The following SURF6 variants were observed in gnomAD, a reference collection of about 807,000 sequenced individuals.
SURF6 encodes surfeit 6, also known as surfeit locus protein 6.
A neutral mutation model predicts 37.5 loss-of-function variants in SURF6; 28 were observed. That is an observed-to-expected ratio of 0.75 (90% CI 0.55 to 1.02). The LOEUF (loss-of-function observed/expected upper bound fraction) is 1.02. SURF6 is among the 50% of genes least tolerant of loss of function. The pLI, the probability that SURF6 is intolerant of heterozygous loss-of-function variation, is 0.00. For synonymous variants in SURF6, 248 were observed against 210.9 expected (o/e 1.18, Z -1.52); for missense variants, 560 against 490.5 (o/e 1.14, Z -1.34).
In SURF6 at chr9:133,331,971, G is replaced by A. The variant is rs1362994580; in HGVS notation, c.984C>T (p.Asn328=). 6.3e-7 allele frequency: 1 copy of A among 1,595,974 alleles called. No individual in the cohort carries two copies. Among genetic ancestry groups the A allele is most frequent in the Non-Finnish European group, 8.5e-7 (1 of 1,178,052 alleles). ...MQQRQDRRRQ[N]LRRKKAARAE... ...CGCGGGCCGCCTTCTTCCTGCGCAG[G>A]TTCTGCCGCCGCCGGTCCTGGCGCT... Residue 328 remains asparagine, a synonymous_variant, in exon 5 of 5, where the codon AAC becomes AAT. Coordinates refer to ENST00000372022, the MANE Select transcript of SURF6 (RefSeq NM_006753.6).
chr9:133,336,187 TCA>T, exon 1 of SURF6: 2 of 1,490,424 alleles, frequency 1.3e-6, no homozygotes, highest in Non-Finnish European at 1.8e-6. Flanking sequence ...CGTGCGACTC[TCA>T]CCACCTCCGC....
Position 133,328,802 on chromosome 9 carries a change from G to A in SURF6, c.*3067C>T, listed in dbSNP as rs139811628. 350 of 152,256 alleles carry A rather than the reference G, an allele frequency of 2.3e-3. 1 individual carries two copies. The highest frequency in any genetic ancestry group is 7.9e-3 in the African/African-American group (328 of 41,534). The allele number at this position is 152,256 out of a possible 1,614,324, so 9.4% of individuals were successfully genotyped here. ...ACTTTGCTAAACTTGGTTTATTATTGTCTAAAATCTTGACATTGGTATTTG... is the reference window on the plus strand; with the variant it reads ...ACTTTGCTAAACTTGGTTTATTATTATCTAAAATCTTGACATTGGTATTTG... On this transcript the variant is annotated 3_prime_UTR_variant, in exon 5 of 5. Transcript: ENST00000372022.
In SURF6 at chr9:133,334,481, T is replaced by TC. The variant is rs1835823523; in HGVS notation, c.214dup (p.Glu72GlyfsTer13). ...GGCCCCAGAGGCTGCTGGAGATTTC[T>TC]CCCCCAAGGACTTGGCCTTGTGCTC... On this transcript the variant is annotated frameshift_variant, in exon 2 of 5. Coordinates refer to ENST00000372022, the MANE Select transcript of SURF6 (RefSeq NM_006753.6). LOFTEE classifies it high-confidence loss of function. 1.9e-6 allele frequency: 3 copies of TC among 1,614,106 alleles called. No homozygotes were observed. The East Asian group carries it at 6.7e-5, about 36-fold the overall frequency.
At chr9:133,334,366 A>C (rs1348924464) in intron 2 of SURF6, 26 bp downstream of exon 2, 1 of 1,597,266 alleles carries the variant, frequency 6.3e-7, no homozygotes. Context: ...CCCTGCACAG[A>C]ACCAACATGC....
Position 133,336,147 on chromosome 9 carries a change from C to T in SURF6, c.-15G>A, listed in dbSNP as rs1415297621. ...AGAGAGGCCATGGCGGAGACCCGGG[C>T]CGTTCACGACTCACACCTTCCCCGC... is the stretch of plus-strand genomic sequence containing the variant. On this transcript the variant is annotated 5_prime_UTR_variant, in exon 1 of 5. Coordinates refer to ENST00000372022, the MANE Select transcript of SURF6 (RefSeq NM_006753.6). The T allele has an allele frequency of 6.2e-7, 1 of 1,606,000 alleles. No homozygotes were observed. The highest frequency in any genetic ancestry group is 8.5e-7 in the Non-Finnish European group (1 of 1,176,412).
Position 133,332,015 on chromosome 9 carries a change from C to T in SURF6, c.940G>A (p.Val314Met), listed in dbSNP as rs2129913812. 1.2e-6 allele frequency: 2 copies of T among 1,600,424 alleles called. No individual in the cohort carries two copies. The highest frequency in any genetic ancestry group is 1.7e-5 in the Admixed American group (1 of 59,916). Reference sequence around the variant, plus strand: ...TGGCGCTGCTGCATCTTCTCCACCACGCCGGCCGTGCGCTTCTCCCACCGG... The same window carrying T: ...TGGCGCTGCTGCATCTTCTCCACCATGCCGGCCGTGCGCTTCTCCCACCGG... ...QRRWEKRTAG[V>M]VEKMQQRQDR... The change falls in exon 5 of 5, where the codon GTG becomes ATG. Residue 314 changes from valine (V) to methionine (M), a missense_variant. Coordinates refer to ENST00000372022, the MANE Select transcript of SURF6 (RefSeq NM_006753.6).
rs919639243 is a variant in SURF6, at chr9:133,336,158, T to C, written c.-26A>G. ...GGCGGAGACCCGGGCCGTTCACGAC[T>C]CACACCTTCCCCGCTGCGCGTGCGA... On this transcript the variant is annotated 5_prime_UTR_variant, in exon 1 of 5. Transcript: ENST00000372022. 1.3e-6 allele frequency: 2 copies of C among 1,586,782 alleles called. No homozygotes were observed. The highest frequency in any genetic ancestry group is 8.6e-7 in the Non-Finnish European group (1 of 1,165,756).
rs2129918639 is a variant in SURF6 at position 133,332,507 on chromosome 9, G to T, written c.606+41C>A. 36 of 1,595,566 alleles carry T rather than the reference G, an allele frequency of 2.3e-5. 1 individual carries two copies. In the African/African-American group the frequency reaches 4.4e-4, roughly 20 times the overall value. ...CTAACAAGGGGCAACGCTGAGGCCTGAAGCCGACCCAGCCCGCCCAAGGAC... is the reference window on the plus strand; with the variant it reads ...CTAACAAGGGGCAACGCTGAGGCCTTAAGCCGACCCAGCCCGCCCAAGGAC... On this transcript the variant is annotated intron_variant, in intron 4 of 4. Coordinates refer to ENST00000372022, the MANE Select transcript of SURF6 (RefSeq NM_006753.6).
At chr9:133,334,868 C>A (rs1223195224) in intron 1 of SURF6, among the ~76,000 whole-genome samples, 1 of 152,190 alleles carries the variant, frequency 6.6e-6, no homozygotes, top group Non-Finnish European at 1.5e-5. Context: ...TCCACCTCCA[C>A]TAACAATTTC....
chr9:133,330,514 G>A lies in SURF6; in HGVS notation c.*1355C>T, dbSNP rs2129906769. On this transcript the variant is annotated 3_prime_UTR_variant, in exon 5 of 5. Transcript: ENST00000372022. The stretch of plus-strand genomic sequence containing the variant: ...CAAAGAGCTGGGATTGACAGCATGA[G>A]CCACCATGCCAGGCCCTGTTCCACA... 6 of 152,314 alleles carry A rather than the reference G, an allele frequency of 3.9e-5. No homozygotes were observed. The highest frequency in any genetic ancestry group is 1.4e-4 in the African/African-American group (6 of 41,568). The allele number at this position is 152,314 out of a possible 1,614,324, so 9.4% of individuals were successfully genotyped here.
At chr9:133,332,421 AC>A in intron 4 of SURF6, 73 bp from the exon 5 acceptor site, 1 of 1,529,564 alleles carries the variant, frequency 6.5e-7, no homozygotes, top group South Asian at 1.3e-5. Context: ...ACCCTAAGGG[AC>A]CTGCGAGGTC....
rs967710481 is a variant in SURF6 at position 133,334,482 on chromosome 9, C to A, written c.214G>T (p.Glu72Ter). 3 of 1,613,962 alleles carry A rather than the reference C, an allele frequency of 1.9e-6. No homozygotes were observed. The African/African-American group carries it at 4.0e-5, about 22-fold the overall frequency. ...GCCCCAGAGGCTGCTGGAGATTTCT[C>A]CCCCAAGGACTTGGCCTTGTGCTCA... ...AAEHKAKSLG[E>*]KSPAASGARR... The change falls in exon 2 of 5, where the codon GAG becomes TAG. Residue 72 changes from glutamate (E) to a stop codon, truncating the protein, a stop_gained. Transcript: ENST00000372022. LOFTEE classifies it high-confidence loss of function.
chr9:133,336,165 T>A lies in SURF6; in HGVS notation c.-33A>T. 1.3e-6 allele frequency: 2 copies of A among 1,568,376 alleles called. No individual in the cohort carries two copies. The highest frequency in any genetic ancestry group is 1.7e-5 in the Admixed American group (1 of 58,594). On this transcript the variant is annotated 5_prime_UTR_variant, in exon 1 of 5. In the 5' UTR this introduces an upstream ATG that the reference lacks. Transcript: ENST00000372022. ...ACCCGGGCCGTTCACGACTCACACC[T>A]TCCCCGCTGCGCGTGCGACTCTCAC... is the stretch of plus-strand genomic sequence containing the variant.
Position 133,332,418 on chromosome 9 carries a change from G to A in SURF6, c.607-70C>T, listed in dbSNP as rs1218052872. 2.0e-6 allele frequency: 3 copies of A among 1,530,236 alleles called. No homozygotes were observed. The East Asian group carries it at 6.8e-5, about 35-fold the overall frequency. The allele number at this position is 1,530,236 out of a possible 1,614,324, so 94.8% of individuals were successfully genotyped here. ...GCCCCAGCCTTGGCCAGTACCCTAA[G>A]GGACCTGCGAGGTCCCCGTCACCAC... On this transcript the variant is annotated intron_variant, in intron 4 of 4. Coordinates refer to ENST00000372022, the MANE Select transcript of SURF6 (RefSeq NM_006753.6).
In SURF6 at chr9:133,336,163, C is replaced by T; in HGVS notation, c.-31G>A. 1 of 1,578,598 alleles carries T rather than the reference C, an allele frequency of 6.3e-7. No individual in the cohort carries two copies. Among genetic ancestry groups the T allele is most frequent in the Non-Finnish European group, 8.6e-7 (1 of 1,160,238 alleles). On this transcript the variant is annotated 5_prime_UTR_variant, in exon 1 of 5. In the 5' UTR this introduces an upstream ATG that the reference lacks. Transcript: ENST00000372022. ...AGACCCGGGCCGTTCACGACTCACA[C>T]CTTCCCCGCTGCGCGTGCGACTCTC...
Position 133,334,548 on chromosome 9 carries a change from T to G in SURF6, c.148A>C (p.Lys50Gln). 6.2e-7 allele frequency: 1 copy of G among 1,613,556 alleles called. No individual in the cohort carries two copies. The highest frequency in any genetic ancestry group is 8.5e-7 in the Non-Finnish European group (1 of 1,180,042). ...TAGPPKKKRK[K>Q]TQKKFRKREE... The stretch of plus-strand genomic sequence containing the variant: ...CGCTTCCGGAATTTCTTTTGTGTTT[T>G]CTTCCTTTTCTTTTTTGGGGGCCCT... Residue 50 changes from lysine to glutamine, a missense_variant, in exon 2 of 5, where the codon AAA becomes CAA. Transcript: ENST00000372022.
intron 3 of SURF6, 39 bp downstream of exon 3, chr9:133,333,679 C>T: frequency 1.3e-6 from 2 of 1,589,974 alleles, no homozygotes; most frequent in Non-Finnish European, 1.7e-6. Context: ...AGAACACAGG[C>T]AGAGCAGTGA....
intron 2 of SURF6, 94 bp downstream of exon 2, chr9:133,334,298 G>C (rs967300653): frequency 8.1e-7 from 1 of 1,230,186 alleles, no homozygotes; most frequent in South Asian, 1.5e-5. Flanking sequence ...TGCGCCTGCT[G>C]CTGCTTTTTT....
At chr9:133,332,830 G>T in intron 3 of SURF6, 70 bp from the exon 4 acceptor site, 1 of 1,494,874 alleles carries the variant, frequency 6.7e-7, no homozygotes, top group South Asian at 1.2e-5. Flanking sequence ...GCCCATAGTC[G>T]AGAAGAATCA....
Sources: allele counts gnomAD v4.1 joint callset (sites outside exome capture counted in the v4.1 genomes callset), GRCh38; gene constraint gnomAD v4.1.1; transcripts MANE v1.5; gene names NCBI Gene and HGNC (gene_info 2026-07-23, HGNC 2026-07-21).